The following PCDH15 variants were observed in gnomAD, a reference collection of about 807,000 sequenced individuals.
PCDH15 encodes the protein protocadherin-15.
In PCDH15, 129 loss-of-function variants were observed where a neutral mutation model predicts 178.5. The ratio of observed to expected loss-of-function variants is 0.72; its 90% CI spans 0.63 to 0.84. The LOEUF is 0.84. PCDH15 is among the 40% of genes least tolerant of loss of function. The pLI is 0.00. For missense variants in PCDH15, 2,230 were observed against 2,099.9 expected, an observed-to-expected ratio of 1.06 and a Z score of -1.21; for synonymous variants, 800 against 732.0, an observed-to-expected ratio of 1.09 and a Z score of -1.50.
intron 3 of PCDH15, among the ~76,000 whole-genome samples, chr10:54,438,268 CTTTTTTTTTTTT>C (rs1039826987): frequency 2.1e-5 from 2 of 93,992 alleles, no homozygotes; most frequent in African/African-American, 7.9e-5. Flanking sequence ...AAGAGAAAAG[CTTTTTTTTTTTT>C]TTTTTTTTTT....
intron 3 of PCDH15, among the ~76,000 whole-genome samples, chr10:54,827,269 AATACAAAT>A (rs1467655308): frequency 6.6e-6 from 1 of 152,138 alleles, no homozygotes; most frequent in Non-Finnish European, 1.5e-5. Flanking sequence ...CACTAGCCAG[AATACAAAT>A]ATATATAATG....
intron 2 of PCDH15, among the ~76,000 whole-genome samples, chr10:55,150,318 T>C (rs1562129): frequency 0.37 from 55,603 of 151,952 alleles, 10,561 homozygotes; most frequent in Admixed American, 0.46. Flanking sequence ...ATAAATGGCC[T>C]GCAAAAACAG....
At chr10:53,973,308 G>T (rs2089912605) in intron 21 of PCDH15, among the ~76,000 whole-genome samples, 1 of 127,380 alleles carries the variant, frequency 7.9e-6, no homozygotes, top group East Asian at 2.9e-4. Flanking sequence ...GGGGGAGGGG[G>T]GAGGGATAGC....
intron 2 of PCDH15, among the ~76,000 whole-genome samples, chr10:55,139,902 C>A (rs995604725): frequency 1.3e-5 from 2 of 151,954 alleles, no homozygotes; most frequent in South Asian, 2.1e-4. Flanking sequence ...TTCTTCAAAT[C>A]TAAGACATTG....
chr10:53,990,734 C>G (rs2091416047), intron 21 of PCDH15, among the ~76,000 whole-genome samples: 1 of 152,078 alleles, frequency 6.6e-6, no homozygotes, highest in Admixed American at 6.5e-5. Context: ...CTTCAGCCCA[C>G]CGCTGCACTG....
chr10:54,070,523 C>T (rs1277784410), intron 17 of PCDH15, among the ~76,000 whole-genome samples: 1 of 152,070 alleles, frequency 6.6e-6, no homozygotes, highest in Non-Finnish European at 1.5e-5. Flanking sequence ...AATTTGAATA[C>T]ACATTTATTT....
chr10:55,094,669 A>G (rs1304851457), intron 2 of PCDH15, among the ~76,000 whole-genome samples: 2 of 152,080 alleles, frequency 1.3e-5, no homozygotes, highest in Non-Finnish European at 2.9e-5. Flanking sequence ...TCATACGTCA[A>G]TGTTTTTAGC....
At chr10:54,380,722 A>G (rs1187794413) in intron 3 of PCDH15, among the ~76,000 whole-genome samples, 1 of 106,478 alleles carries the variant, frequency 9.4e-6, no homozygotes, top group Admixed American at 1.0e-4. Flanking sequence ...ATATATATAT[A>G]TATATATATA....
intron 10 of PCDH15, among the ~76,000 whole-genome samples, chr10:54,209,082 G>A (rs757757770): frequency 1.3e-5 from 2 of 151,420 alleles, no homozygotes; most frequent in Non-Finnish European, 2.9e-5. Context: ...AATTTTATTA[G>A]CTTTTTCATT....
chr10:53,897,018 C>T (rs999406465), intron 26 of PCDH15, among the ~76,000 whole-genome samples: 1 of 152,168 alleles, frequency 6.6e-6, no homozygotes, highest in African/African-American at 2.4e-5. Flanking sequence ...AACCATCCCC[C>T]TCTGCACTCC....
intron 32 of PCDH15, chr10:53,823,379 T>C (rs888092028): frequency 4.4e-6 from 7 of 1,604,090 alleles, no homozygotes; most frequent in Non-Finnish European, 4.3e-6. Flanking sequence ...AAGAAGATAA[T>C]GAAATGTAAG....
chr10:54,459,148 T>G (rs749068367), intron 3 of PCDH15, among the ~76,000 whole-genome samples: 1 of 152,040 alleles, frequency 6.6e-6, no homozygotes, highest in Non-Finnish European at 1.5e-5. Context: ...AGAGTGTGTC[T>G]GTGTGAGTGT....
intron 23 of PCDH15, among the ~76,000 whole-genome samples, chr10:53,948,987 G>A (rs568039759): frequency 2.0e-4 from 31 of 152,270 alleles, no homozygotes; most frequent in African/African-American, 5.3e-4. Flanking sequence ...ATAATGGGAC[G>A]TATAAAATCA....
intron 2 of PCDH15, among the ~76,000 whole-genome samples, chr10:54,978,014 T>C (rs1053847331): frequency 1.3e-5 from 2 of 152,208 alleles, no homozygotes; most frequent in South Asian, 4.1e-4. Context: ...AGTCAATTTA[T>C]AGTCTTAGCC....
intron 2 of PCDH15, among the ~76,000 whole-genome samples, chr10:55,457,646 G>C (rs984213801): frequency 6.6e-6 from 1 of 152,018 alleles, no homozygotes; most frequent in Non-Finnish European, 1.5e-5. Flanking sequence ...AGCTAGGATA[G>C]GGTGGATGAC....
intron 2 of PCDH15, among the ~76,000 whole-genome samples, chr10:55,011,875 G>A (rs1417958961): frequency 6.6e-6 from 1 of 152,088 alleles, no homozygotes; most frequent in African/African-American, 2.4e-5. Flanking sequence ...GAGCCACTGT[G>A]TATGAAAAAC....
chr10:55,495,452 G>T, intron 2 of PCDH15, among the ~76,000 whole-genome samples: 1 of 151,740 alleles, frequency 6.6e-6, no homozygotes, highest in Non-Finnish European at 1.5e-5. Context: ...TGGGAAAGAG[G>T]TTTGAATAGA....
chr10:55,492,272 T>A (rs1370537536), intron 2 of PCDH15, among the ~76,000 whole-genome samples: 1 of 151,606 alleles, frequency 6.6e-6, no homozygotes, highest in African/African-American at 2.4e-5. Flanking sequence ...AAAAACAGCC[T>A]TTTCTCCTCA....
chr10:54,220,134 C>A (rs993410314), intron 9 of PCDH15, among the ~76,000 whole-genome samples: 1 of 152,082 alleles, frequency 6.6e-6, no homozygotes, highest in African/African-American at 2.4e-5. Context: ...AAGAATGAAC[C>A]CAAAATGGTG....
Sources: allele counts gnomAD v4.1 joint callset (sites outside exome capture counted in the v4.1 genomes callset), GRCh38; gene constraint gnomAD v4.1.1; transcripts MANE v1.5; gene names NCBI Gene and HGNC (gene_info 2026-07-23, HGNC 2026-07-21).